BRD8: variants seen among roughly 807,000 people sequenced by gnomAD.
The protein encoded by BRD8 is bromodomain-containing protein 8.
A neutral mutation model predicts 143.1 loss-of-function variants in BRD8; 67 were observed. That is an observed-to-expected ratio of 0.47 (90% confidence interval 0.38 to 0.57). The LOEUF is 0.57. BRD8 is among the 20% of genes least tolerant of loss of function. BRD8 has a pLI of 0.00. For missense variants in BRD8, 1,103 were observed against 1,503.0 expected (o/e 0.73, Z 4.40); for synonymous variants, 505 against 517.1 (o/e 0.98, Z 0.32).
intron 20 of BRD8, chr5:138,157,090 T>C (rs1752652259): frequency 1.3e-6 from 2 of 1,559,406 alleles, no homozygotes; most frequent in East Asian, 2.2e-5. Context: ...GCTCATGTCG[T>C]GTGGCCCAGG....
intron 8 of BRD8, 110 bp from the exon 9 acceptor site, chr5:138,168,188 C>T: frequency 1.3e-6 from 1 of 779,602 alleles, no homozygotes; most frequent in Non-Finnish European, 2.1e-6. Context: ...TAGCTAATAT[C>T]CACAGAGAAT....
rs2151214133 is a variant in BRD8, at chr5:138,171,028, T to C, written c.359+10A>G. Reference sequence around the variant, plus strand: ...TTTCTCAATTTTTTGGCATTCTCTCTGATAAGTACCTATATCTCTCCTGGG... The same window carrying C: ...TTTCTCAATTTTTTGGCATTCTCTCCGATAAGTACCTATATCTCTCCTGGG... On this transcript the variant is annotated intron_variant, in intron 5 of 26. Transcript: ENST00000254900. 1.2e-6 allele frequency: 2 copies of C among 1,612,650 alleles called. No homozygotes were observed. Among genetic ancestry groups the C allele is most frequent in the East Asian group, 4.5e-5 (2 of 44,878 alleles).
intron 2 of BRD8, among the ~76,000 whole-genome samples, chr5:138,174,226 CTATAA>C (rs1754127045): frequency 6.6e-6 from 1 of 151,264 alleles, no homozygotes; most frequent in Non-Finnish European, 1.5e-5. Context: ...TTAATGGATA[CTATAA>C]TAATTACCTT....
rs767683214 is a variant in BRD8 at position 138,160,179 on chromosome 5, G to C, written c.2428-6C>G. ...AACTGCGTGGCCAAGAATTGCTGTA[G>C]GGAGAAGAAACAGGGTAGGCCATGG... On this transcript the variant is annotated splice_polypyrimidine_tract_variant and splice_region_variant and intron_variant, in intron 18 of 26. Transcript: ENST00000254900. 1.2e-6 allele frequency: 2 copies of C among 1,611,246 alleles called. No individual in the cohort carries two copies. Among genetic ancestry groups the C allele is most frequent in the South Asian group, 1.1e-5 (1 of 91,028 alleles).
In BRD8 at chr5:138,163,297, G is replaced by A. The variant is rs1753149605; in HGVS notation, c.1920C>T (p.Ala640=). Residue 640 remains alanine, a synonymous_variant, in exon 15 of 27, where the codon GCC becomes GCT. Transcript: ENST00000254900. ...CCTCTTCCTTAGGCTCCTCTAGGCTGGCCGCTTCACTGACACCATCTTCCT... is the reference window on the plus strand; with the variant it reads ...CCTCTTCCTTAGGCTCCTCTAGGCTAGCCGCTTCACTGACACCATCTTCCT... ...DEEEDGVSEA[A]SLEEPKEEDQ... 6.2e-7 allele frequency: 1 copy of A among 1,614,118 alleles called. No individual in the cohort carries two copies. Among genetic ancestry groups the A allele is most frequent in the African/African-American group, 1.3e-5 (1 of 75,018 alleles).
chr5:138,157,140 C>A, intron 20 of BRD8: 1 of 1,601,786 alleles, frequency 6.2e-7, no homozygotes, highest in Non-Finnish European at 8.5e-7. Context: ...GAACTGGGCC[C>A]GCAAGCCCAA....
In BRD8 at chr5:138,164,789, T is replaced by G. The variant is rs1473325876; in HGVS notation, c.1656A>C (p.Ala552=). 1.2e-6 allele frequency: 2 copies of G among 1,614,128 alleles called. No homozygotes were observed. The highest frequency in any genetic ancestry group is 2.7e-5 in the African/African-American group (2 of 74,946). ...QDLDEELGST[A]AGEIVEADVA... is the part of the protein sequence containing the mutation. ...CATCTGCTTCAACAATCTCTCCAGC[T>G]GCAGTACTTCCCAGTTCCTCATCTA... Residue 552 remains alanine, a synonymous_variant, in exon 12 of 27, where the codon GCA becomes GCC. Coordinates refer to ENST00000254900, the MANE Select transcript of BRD8 (RefSeq NM_139199.2).
At chr5:138,169,748 C>T (rs990953080) in intron 7 of BRD8, among the ~76,000 whole-genome samples, 1 of 152,184 alleles carries the variant, frequency 6.6e-6, no homozygotes, top group Non-Finnish European at 1.5e-5. Flanking sequence ...GCAGGTGGAT[C>T]ACCTGAGGTC....
intron 20 of BRD8, among the ~76,000 whole-genome samples, chr5:138,158,514 C>G (rs997359185): frequency 6.6e-6 from 1 of 151,942 alleles, no homozygotes; most frequent in Non-Finnish European, 1.5e-5. Context: ...TCTCAGCTCA[C>G]GGCAACCTCC....
In BRD8 at chr5:138,165,661, G is replaced by A. The variant is rs138546848; in HGVS notation, c.1278+167C>T. On this transcript the variant is annotated intron_variant, in intron 11 of 26. Transcript: ENST00000254900. ...GAATTACTTGAGGCTGGGAGGCAGAGGTAACAGTAAGCCAAGATCGTGCCA... is the reference window on the plus strand; with the variant it reads ...GAATTACTTGAGGCTGGGAGGCAGAAGTAACAGTAAGCCAAGATCGTGCCA... 3.1e-3 allele frequency among the ~76,000 whole-genome samples: 472 copies of A among 151,396 alleles called. 6 individuals carry two copies. Among genetic ancestry groups the A allele is most frequent in the Middle Eastern group, 0.014 (4 of 294 alleles).
chr5:138,151,653 A>G (rs74291972), intron 21 of BRD8, among the ~76,000 whole-genome samples: 1 of 79,652 alleles, frequency 1.3e-5, no homozygotes, highest in Non-Finnish European at 3.5e-5. Context: ...AAAAGCATGT[A>G]TTTTTTTATT....
intron 20 of BRD8, among the ~76,000 whole-genome samples, chr5:138,158,879 T>C (rs1353919501): frequency 6.6e-6 from 1 of 152,008 alleles, no homozygotes; most frequent in African/African-American, 2.4e-5. Context: ...CTACCTTGCC[T>C]TCTGAGTAGC....
rs1451039930 is a variant in BRD8 at position 138,165,168 on chromosome 5, T to C, written c.1279-2A>G. 1 of 1,613,054 alleles carries C rather than the reference T, an allele frequency of 6.2e-7. No individual in the cohort carries two copies. Among genetic ancestry groups the C allele is most frequent in the South Asian group, 1.1e-5 (1 of 90,962 alleles). On this transcript the variant is annotated splice_acceptor_variant, in intron 11 of 26. Coordinates refer to ENST00000254900, the MANE Select transcript of BRD8 (RefSeq NM_139199.2). LOFTEE classifies it high-confidence loss of function. ...CAGCACTTCAGGATGATCATCTACC[T>C]GTCCCACAAAACACAAGACTATTGA...
chr5:138,150,388 A>T (rs1021647939), intron 22 of BRD8, among the ~76,000 whole-genome samples: 1 of 152,182 alleles, frequency 6.6e-6, no homozygotes. Context: ...GATTACAGGC[A>T]TGAGCCATTG....
chr5:138,157,925 T>C (rs1752709777), intron 20 of BRD8: 1 of 152,136 alleles, frequency 6.6e-6, no homozygotes, highest in African/African-American at 2.4e-5. Context: ...AGAACGGAGA[T>C]TATAATGTTC....
chr5:138,145,628 G>C (rs1281930251), intron 24 of BRD8, among the ~76,000 whole-genome samples, 161 bp downstream of exon 24: 1 of 152,344 alleles, frequency 6.6e-6, no homozygotes, highest in Admixed American at 6.5e-5. Context: ...ACTTGTGAAA[G>C]CAGCTGTGGG....
In BRD8 at chr5:138,150,769, C is replaced by T. The variant is rs1036285559; in HGVS notation, c.3096G>A (p.Gln1032=). The T allele has an allele frequency of 1.2e-6, 2 of 1,613,640 alleles. No homozygotes were observed. Among genetic ancestry groups the T allele is most frequent in the African/African-American group, 2.7e-5 (2 of 74,848 alleles). ...CCTCTTCACTCTCTGTGAGTAGTCC[C>T]TGAACTGTACAAATAACTGAGGGAG... ...ASAPSVICTV[Q]GLLTESEEGE... Residue 1032 remains glutamine (Q), a synonymous_variant, in exon 22 of 27, where the codon CAG becomes CAA. Coordinates refer to ENST00000254900, the MANE Select transcript of BRD8 (RefSeq NM_139199.2).
intron 18 of BRD8, 76 bp from the exon 19 acceptor site, chr5:138,160,249 T>G (rs916248964): frequency 3.1e-5 from 30 of 977,518 alleles, no homozygotes; most frequent in Non-Finnish European, 4.8e-5. Flanking sequence ...TTAAGCACTG[T>G]AAATAGAACT....
In BRD8 at chr5:138,171,029, G is replaced by A; in HGVS notation, c.359+9C>T. The A allele has an allele frequency of 6.2e-7, 1 of 1,613,016 alleles. No individual in the cohort carries two copies. On this transcript the variant is annotated intron_variant, in intron 5 of 26. Transcript: ENST00000254900. ...TTCTCAATTTTTTGGCATTCTCTCT[G>A]ATAAGTACCTATATCTCTCCTGGGT...
Sources: allele counts gnomAD v4.1 joint callset (sites outside exome capture counted in the v4.1 genomes callset), GRCh38; gene constraint gnomAD v4.1.1; transcripts MANE v1.5; gene names NCBI Gene and HGNC (gene_info 2026-07-23, HGNC 2026-07-21).